The following CD109 variants were observed in gnomAD, a reference collection of about 807,000 sequenced individuals.
CD109 encodes CD109 molecule, also known as CD109 antigen.
A neutral mutation model predicts 165.8 loss-of-function variants in CD109; 149 were observed. The observed-to-expected ratio is 0.90, with a 90% confidence interval of 0.79 to 1.03. The LOEUF (loss-of-function observed/expected upper bound fraction) is 1.03, where lower values mean the gene tolerates loss of function less well. Among genes scored for constraint, CD109 ranks in the 50% least tolerant of loss-of-function variants. The pLI is 0.00. For missense variants in CD109, 1,712 were observed against 1,677.8 expected (o/e 1.02, Z -0.36); for synonymous variants, 585 against 592.1 (o/e 0.99, Z 0.18).
chr6:73,699,433 G>T (rs1292758844), intron 2 of CD109, among the ~76,000 whole-genome samples: 1 of 152,130 alleles, frequency 6.6e-6, no homozygotes, highest in African/African-American at 2.4e-5. Flanking sequence ...CAGAGATCCA[G>T]AATATATATG....
intron 30 of CD109, among the ~76,000 whole-genome samples, chr6:73,817,441 G>A (rs926436642): frequency 7.2e-5 from 11 of 151,972 alleles, no homozygotes; most frequent in Non-Finnish European, 1.5e-4. Context: ...CAGTTGCTTC[G>A]GATTGCAGAG....
rs893777477 is a variant in CD109, at chr6:73,748,899, C to T, written c.634-7744C>T. Among the ~76,000 whole-genome samples, 4 of 152,192 alleles carry T rather than the reference C, an allele frequency of 2.6e-5. No homozygotes were observed. The East Asian group carries it at 7.7e-4, about 29-fold the overall frequency. On this transcript the variant is annotated intron_variant, in intron 5 of 32. Transcript: ENST00000287097. The stretch of plus-strand genomic sequence containing the variant: ...TTCCTCTAAGTAGGACAGTGTACAT[C>T]AGCTGACACTTTTACAGGATGATAT...
chr6:73,791,132 CATACATATATATATATAT>C lies in CD109; in HGVS notation c.2702-1490_2702-1473del, dbSNP rs1452989873. Among the ~76,000 whole-genome samples the C allele has an allele frequency of 1.2e-3, 56 of 46,812 alleles. 2 individuals carry two copies. Among genetic ancestry groups the C allele is most frequent in the African/African-American group, 5.6e-3 (47 of 8,360 alleles). The allele number at this position is 46,812 out of a possible 152,430, so 30.7% of individuals were successfully genotyped here. A position where few individuals can be genotyped will look rare whatever the true frequency, so the allele number is the denominator to read the frequency against. On this transcript the variant is annotated intron_variant, in intron 22 of 32. Coordinates refer to ENST00000287097, the MANE Select transcript of CD109 (RefSeq NM_133493.5). ...TTATTTGGAGGCATATATATACATA[CATACATATATATATATAT>C]ATATATATATATATATATATATATA...
intron 17 of CD109, among the ~76,000 whole-genome samples, chr6:73,782,117 C>A (rs1368067653): frequency 6.6e-6 from 1 of 152,140 alleles, no homozygotes; most frequent in African/African-American, 2.4e-5. Flanking sequence ...GTCAGGTATT[C>A]TGTTATTCCA....
intron 6 of CD109, among the ~76,000 whole-genome samples, 192 bp from the exon 7 acceptor site, chr6:73,758,752 A>G (rs1351481576): frequency 1.3e-5 from 2 of 152,310 alleles, no homozygotes; most frequent in African/African-American, 4.8e-5. Context: ...AGGGCTTTTC[A>G]TCTGTCTTAA....
chr6:73,721,329 A>G (rs1399138806), intron 2 of CD109, among the ~76,000 whole-genome samples: 1 of 151,666 alleles, frequency 6.6e-6, no homozygotes, highest in Non-Finnish European at 1.5e-5. Context: ...GAGACCATTT[A>G]TAAGGATGGA....
At chr6:73,699,625 C>T (rs965142096) in intron 2 of CD109, among the ~76,000 whole-genome samples, 1 of 151,972 alleles carries the variant, frequency 6.6e-6, no homozygotes, top group African/African-American at 2.4e-5. Flanking sequence ...CTTAGATCTT[C>T]TTTTGGGAGA....
At position 73,823,842 on chromosome 6, in the gene CD109, A is replaced by G. The variant is rs146628152; in HGVS notation, c.*209A>G. The G allele has an allele frequency of 3.0e-3, 1,228 of 414,656 alleles. 30 individuals are homozygous for G. In the East Asian group the frequency reaches 0.04, roughly 13 times the overall value. The allele number at this position is 414,656 out of a possible 1,614,324, so 25.7% of individuals were successfully genotyped here. A position where few individuals can be genotyped will look rare whatever the true frequency, so the allele number is the denominator to read the frequency against. On this transcript the variant is annotated 3_prime_UTR_variant, in exon 33 of 33. Transcript: ENST00000287097. Reference sequence around the variant, plus strand: ...TTGTGTGGAAGATCAGAATGAATGCAGTTGTGTGTCTATATTTTCCCCTCT... The same window carrying G: ...TTGTGTGGAAGATCAGAATGAATGCGGTTGTGTGTCTATATTTTCCCCTCT...
intron 2 of CD109, among the ~76,000 whole-genome samples, chr6:73,709,394 G>A (rs957594401): frequency 7.2e-5 from 11 of 152,152 alleles, no homozygotes; most frequent in Admixed American, 3.9e-4. Flanking sequence ...TGCTGTTTTG[G>A]TTACTGTAGC....
chr6:73,681,324 T>TTGTG, the CD109 span, among the ~76,000 whole-genome samples: 6,377 of 145,624 alleles, frequency 0.044, 246 homozygotes, highest in African/African-American at 0.1. Context: ...CAGTTACCAT[T>TTGTG]TGTGTGTGTG....
upstream of CD109, among the ~76,000 whole-genome samples, chr6:73,692,470 A>AT (rs1770707442): frequency 6.6e-6 from 1 of 152,214 alleles, no homozygotes; most frequent in Non-Finnish European, 1.5e-5. Flanking sequence ...AATCACCAGG[A>AT]TACTGATAAT....
chr6:73,695,684 G>C, upstream of CD109: 1 of 153,302 alleles, frequency 6.5e-6, no homozygotes, highest in Non-Finnish European at 1.5e-5. Flanking sequence ...CCGGTTTTGC[G>C]CGCGTGTGCG....
At chr6:73,727,525 C>T (rs1582067667) in intron 3 of CD109, among the ~76,000 whole-genome samples, 2 of 152,140 alleles carry the variant, frequency 1.3e-5, no homozygotes, top group Admixed American at 6.5e-5. Context: ...TAATGTTTCC[C>T]CTGAGTCAGT....
intron 16 of CD109, 114 bp from the exon 17 acceptor site, chr6:73,781,145 A>T: frequency 1.3e-6 from 1 of 740,786 alleles, no homozygotes; most frequent in South Asian, 1.6e-5. Context: ...GCATGTGTAT[A>T]CCTAAGCTCT....
At chr6:73,685,416 T>C in the CD109 span, among the ~76,000 whole-genome samples, 1 of 152,166 alleles carries the variant, frequency 6.6e-6, no homozygotes, top group Non-Finnish European at 1.5e-5. Context: ...TTGTTGCCTG[T>C]GCTTTTGGTG....
At chr6:73,764,832 AAC>A (rs925493393) in intron 10 of CD109, among the ~76,000 whole-genome samples, 10 of 151,852 alleles carry the variant, frequency 6.6e-5, no homozygotes, top group African/African-American at 2.4e-4. Context: ...AAAAAAAAAA[AAC>A]AACTAAAACG....
intron 30 of CD109, among the ~76,000 whole-genome samples, chr6:73,816,296 G>A (rs1775934903): frequency 6.6e-6 from 1 of 151,952 alleles, no homozygotes; most frequent in African/African-American, 2.4e-5. Flanking sequence ...TCTTCCAATT[G>A]GTCTCTGTTA....
At chr6:73,750,063 G>A (rs920444732) in intron 5 of CD109, among the ~76,000 whole-genome samples, 1 of 152,162 alleles carries the variant, frequency 6.6e-6, no homozygotes, top group Non-Finnish European at 1.5e-5. Context: ...AAGGTAATGG[G>A]GGACTGCGGT....
chr6:73,720,333 G>T (rs145230190), intron 2 of CD109, among the ~76,000 whole-genome samples: 2,268 of 152,210 alleles, frequency 0.015, 26 homozygotes, highest in Non-Finnish European at 0.022. Flanking sequence ...TAGAAACAAA[G>T]GGTAAAATGG....
Sources: gnomAD v4.1 joint callset for allele counts (sites outside exome capture counted in the v4.1 genomes callset) on GRCh38, gnomAD v4.1.1 for gene constraint, MANE v1.5 for transcripts, NCBI Gene and HGNC (gene_info 2026-07-23, HGNC 2026-07-21) for gene names.